Variants in AKAP13 observed in about 807,000 individuals in gnomAD.
AKAP13 encodes the protein A-kinase anchoring protein 13.
In AKAP13, 80 loss-of-function variants were observed where a neutral mutation model predicts 264.5. The ratio of observed to expected loss-of-function variants is 0.30; its 90% CI spans 0.25 to 0.36. The LOEUF is 0.36. Among genes scored for constraint, AKAP13 ranks in the 10% least tolerant of loss-of-function variants. The pLI is 1.00. For synonymous variants in AKAP13, 1,380 were observed against 1,250.2 expected, an observed-to-expected ratio of 1.10 and a Z score of -2.19; for missense variants, 3,712 against 3,435.2, an observed-to-expected ratio of 1.08 and a Z score of -2.01.
At chr15:85,560,259 G>A (rs1210815270) in intron 5 of AKAP13, among the ~76,000 whole-genome samples, 5 of 150,966 alleles carry the variant, frequency 3.3e-5, no homozygotes, top group Non-Finnish European at 7.4e-5. Context: ...TTGACCACTC[G>A]CCTCAGCCTC....
intron 10 of AKAP13, among the ~76,000 whole-genome samples, chr15:85,652,124 A>C (rs994245385): frequency 5.9e-5 from 9 of 152,224 alleles, no homozygotes; most frequent in African/African-American, 2.2e-4. Flanking sequence ...CAGAGTTAAA[A>C]GCACATATTA....
At chr15:85,643,197 G>T (rs1207145988) in intron 9 of AKAP13, among the ~76,000 whole-genome samples, 1 of 95,372 alleles carries the variant, frequency 1.0e-5, no homozygotes, top group Non-Finnish European at 2.3e-5. Context: ...ACTTCCTATG[G>T]CATTTTTTTT....
chr15:85,639,490 C>T (rs1444999718), intron 9 of AKAP13, 41 bp downstream of exon 9: 3 of 1,427,980 alleles, frequency 2.1e-6, no homozygotes, highest in Middle Eastern at 1.8e-4. Context: ...AGCTGCAGCC[C>T]CACTCTGGCA....
chr15:85,466,150 T>C (rs2074732533), intron 1 of AKAP13, among the ~76,000 whole-genome samples: 1 of 151,058 alleles, frequency 6.6e-6, no homozygotes, highest in Non-Finnish European at 1.5e-5. Context: ...AAAAATGTCT[T>C]CTTTTGAGAA....
intron 4 of AKAP13, among the ~76,000 whole-genome samples, chr15:85,540,356 T>C (rs1258873993): frequency 6.6e-6 from 1 of 152,202 alleles, no homozygotes; most frequent in Non-Finnish European, 1.5e-5. Flanking sequence ...TAATCCAGGA[T>C]AACCTCCCTT....
intron 9 of AKAP13, among the ~76,000 whole-genome samples, chr15:85,644,693 C>CAAAA (rs1161365911): frequency 4.0e-4 from 42 of 103,886 alleles, no homozygotes; most frequent in Non-Finnish European, 4.9e-4. Flanking sequence ...ACTAAAAATA[C>CAAAA]AAAAAAAAAA....
At chr15:85,570,676 C>T (rs1002710858) in intron 5 of AKAP13, among the ~76,000 whole-genome samples, 2 of 152,326 alleles carry the variant, frequency 1.3e-5, no homozygotes, top group Admixed American at 1.3e-4. Flanking sequence ...AGGATCCCCT[C>T]CTACTCCTGA....
At chr15:85,497,428 TG>T (rs988383538) in intron 2 of AKAP13, among the ~76,000 whole-genome samples, 5 of 151,842 alleles carry the variant, frequency 3.3e-5, no homozygotes, top group African/African-American at 1.2e-4. Context: ...TCAGAAAAGG[TG>T]GGGGCTCTAC....
intron 1 of AKAP13, among the ~76,000 whole-genome samples, chr15:85,411,371 G>C (rs1017790747): frequency 6.6e-6 from 1 of 152,144 alleles, no homozygotes; most frequent in African/African-American, 2.4e-5. Flanking sequence ...GCGCAAAGGA[G>C]TTCTGCACGT....
chr15:85,512,041 ACTGT>A (rs1277718710), intron 2 of AKAP13, among the ~76,000 whole-genome samples: 3 of 149,240 alleles, frequency 2.0e-5, no homozygotes, highest in Non-Finnish European at 3.0e-5. Context: ...ACCACATAAG[ACTGT>A]CTTTTTTTTT....
chr15:85,669,829 C>A lies in AKAP13; in HGVS notation c.5100C>A (p.Asp1700Glu). ...SLMTISHPGLDNSRPFHSTFH... is the reference protein window; with the variant it reads ...SLMTISHPGLENSRPFHSTFH... ...TGACAATCAGCCATCCTGGATTGGACAGTGAGTATACTACTTTTTAAAAAA... is the reference window on the plus strand; with the variant it reads ...TGACAATCAGCCATCCTGGATTGGAAAGTGAGTATACTACTTTTTAAAAAA... The change falls in exon 14 of 37, where the codon GAC becomes GAA. Residue 1700 changes from aspartate (D) to glutamate (E), a missense_variant and splice_region_variant. By Grantham distance (45) the Asp-to-Glu change is conservative. Transcript: ENST00000394518. 3 of 1,589,272 alleles carry A rather than the reference C, an allele frequency of 1.9e-6. No individual in the cohort carries two copies. Among genetic ancestry groups the A allele is most frequent in the Non-Finnish European group, 2.6e-6 (3 of 1,157,716 alleles).
At chr15:85,711,048 C>G (rs2086609432) in intron 19 of AKAP13, among the ~76,000 whole-genome samples, 1 of 151,580 alleles carries the variant, frequency 6.6e-6, no homozygotes, top group Non-Finnish European at 1.5e-5. Flanking sequence ...CGGAGTCTCT[C>G]TCTGTCGCCC....
At chr15:85,732,771 C>A (rs1180389107) in intron 30 of AKAP13, among the ~76,000 whole-genome samples, 1 of 149,922 alleles carries the variant, frequency 6.7e-6, no homozygotes, top group Non-Finnish European at 1.5e-5. Flanking sequence ...ATTGCTAATA[C>A]TGTTAGTAAT....
chr15:85,691,197 A>G (rs2085265473), intron 16 of AKAP13, among the ~76,000 whole-genome samples: 1 of 152,220 alleles, frequency 6.6e-6, no homozygotes, highest in Non-Finnish European at 1.5e-5. Flanking sequence ...TTTAGGACAT[A>G]ACAATGGTAT....
chr15:85,680,542 G>A (rs2084531919), intron 14 of AKAP13, among the ~76,000 whole-genome samples: 1 of 152,068 alleles, frequency 6.6e-6, no homozygotes, highest in South Asian at 2.1e-4. Context: ...TTGTTTTAAG[G>A]TTTCTTATGT....
intron 6 of AKAP13, among the ~76,000 whole-genome samples, chr15:85,578,728 C>T (rs2079097636): frequency 6.6e-6 from 1 of 151,966 alleles, no homozygotes; most frequent in South Asian, 2.1e-4. Context: ...TTTGAACATC[C>T]CAGTATATAG....
intron 8 of AKAP13, among the ~76,000 whole-genome samples, chr15:85,617,033 A>C (rs2080966312): frequency 6.6e-6 from 1 of 152,246 alleles, no homozygotes. Context: ...TTTATGTCTC[A>C]AACAGTAATC....
chr15:85,559,817 C>T (rs1042008996), intron 5 of AKAP13, among the ~76,000 whole-genome samples: 11 of 152,208 alleles, frequency 7.2e-5, no homozygotes, highest in Middle Eastern at 3.4e-3. Context: ...TGGCCTAACA[C>T]GCCATAGACT....
chr15:85,559,588 G>T (rs1328736106), intron 5 of AKAP13, among the ~76,000 whole-genome samples: 2 of 152,164 alleles, frequency 1.3e-5, no homozygotes, highest in Non-Finnish European at 2.9e-5. Context: ...CCATCAGGGG[G>T]TGATGGGAGA....
Sources: allele counts gnomAD v4.1 joint callset (sites outside exome capture counted in the v4.1 genomes callset), GRCh38; gene constraint gnomAD v4.1.1; transcripts MANE v1.5; gene names NCBI Gene and HGNC (gene_info 2026-07-23, HGNC 2026-07-21).